AKAP17A: variants seen among roughly 807,000 people sequenced by gnomAD.
AKAP17A encodes A-kinase anchor protein 17A.
In AKAP17A, 15 loss-of-function variants were observed where a neutral mutation model predicts 52.2. The ratio of observed to expected loss-of-function variants is 0.29; its 90% CI spans 0.19 to 0.44. AKAP17A has a LOEUF of 0.44. AKAP17A is among the 20% of genes least tolerant of loss of function. The pLI, the probability that AKAP17A is intolerant of heterozygous loss-of-function variation, is 1.00. For missense variants in AKAP17A, 1,060 were observed against 1,007.0 expected (o/e 1.05, Z -0.71); for synonymous variants, 514 against 424.7 (o/e 1.21, Z -2.58).
rs1413672393 is a variant in AKAP17A, at chrX:1,594,102, A to C, written c.640A>C (p.Asn214His). ...CACCTTCAGTTTCGGGGGGCACTTG[A>C]ACTTCGAGGCCTATGTGCAGTACCG... The part of the protein sequence containing the change: ...FHTFSFGGHL[N>H]FEAYVQYREY... The change falls in exon 2 of 5, where the codon AAC becomes CAC. Residue 214 changes from asparagine (N) to histidine (H), a missense_variant. Transcript: ENST00000313871. 6.2e-7 allele frequency: 1 copy of C among 1,613,614 alleles called. No homozygotes were observed. Among genetic ancestry groups the C allele is most frequent in the South Asian group, 1.1e-5 (1 of 91,008 alleles).
At chrX:1,592,046 T>G (rs1270040141) in intron 1 of AKAP17A, among the ~76,000 whole-genome samples, 1 of 148,570 alleles carries the variant, frequency 6.7e-6, no homozygotes, top group African/African-American at 2.5e-5. Flanking sequence ...CCGAAGGAGC[T>G]GAGGCCTGGA....
chrX:1,595,485 A>G lies in AKAP17A; in HGVS notation c.864A>G (p.Gln288=). ...AACTGGAGCAGCAAAGAGAAGAACA[A>G]AAGCGCAGAGAGAAGGAAGCGGAGG... ...LQELEQQREE[Q]KRREKEAEER... is the part of the protein sequence containing the mutation. The change falls in exon 3 of 5, where the codon CAA becomes CAG. Residue 288 remains glutamine (Q), a synonymous_variant. Coordinates refer to ENST00000313871, the MANE Select transcript of AKAP17A (RefSeq NM_005088.3). The G allele has an allele frequency of 6.2e-7, 1 of 1,614,014 alleles. No individual in the cohort carries two copies. Among genetic ancestry groups the G allele is most frequent in the Non-Finnish European group, 8.5e-7 (1 of 1,179,878 alleles).
rs749983094 is a variant in AKAP17A, at chrX:1,601,513, G to T, written c.2007G>T (p.Arg669Ser). ...GGGAGCGGAGGGGCAGCGCCAGCAG[G>T]AAGCACAGCCGCCACCGCCGCCGAA... ...RSRERRGSAS[R>S]KHSRHRRRSE... is the part of the protein sequence containing the mutation. The change falls in exon 5 of 5, where the codon AGG becomes AGT. Residue 669 changes from arginine to serine, a missense_variant. Arg to Ser is a moderately radical substitution (Grantham distance 110). Around this residue, in one of 2 missense-constraint regions of AKAP17A, gnomAD observed 793 missense variants for 629.9 expected, o/e 1.26. Transcript: ENST00000313871. The T allele has an allele frequency of 1.3e-6, 2 of 1,515,500 alleles. No homozygotes were observed. The highest frequency in any genetic ancestry group is 2.5e-5 in the South Asian group (2 of 80,796). The allele number at this position is 1,515,500 out of a possible 1,614,324, so 93.9% of individuals were successfully genotyped here. A position where few individuals can be genotyped will look rare whatever the true frequency, so the allele number is the denominator to read the frequency against.
Position 1,601,390 on chromosome X carries a change from C to T in AKAP17A, c.1884C>T (p.Ala628=). 1 of 1,568,610 alleles carries T rather than the reference C, an allele frequency of 6.4e-7. No homozygotes were observed. Among genetic ancestry groups the T allele is most frequent in the Non-Finnish European group, 8.6e-7 (1 of 1,164,218 alleles). The change falls in exon 5 of 5, where the codon GCC becomes GCT. Residue 628 remains alanine, a synonymous_variant. Coordinates refer to ENST00000313871, the MANE Select transcript of AKAP17A (RefSeq NM_005088.3). ...RKERRPHKKH[A]YKDDSPRRRS... is the part of the protein sequence containing the mutation. ...AGCGGCGGCCCCACAAGAAGCACGC[C>T]TACAAGGATGACAGCCCCCGCCGGC...
chrX:1,600,060 C>T (rs773747544), intron 4 of AKAP17A: 25 of 893,196 alleles, frequency 2.8e-5, no homozygotes, highest in Middle Eastern at 2.5e-4. Flanking sequence ...GTCCCCGGCA[C>T]GCTCCTTGTC....
intron 3 of AKAP17A, among the ~76,000 whole-genome samples, chrX:1,598,423 G>C (rs1348309013): frequency 6.6e-6 from 1 of 152,150 alleles, no homozygotes; most frequent in African/African-American, 2.4e-5. Context: ...GGGCTTTGTG[G>C]CCTCACTAGG....
chrX:1,591,839 C>T (rs1430471687), intron 1 of AKAP17A, 70 bp downstream of exon 1: 1 of 81,314 alleles, frequency 1.2e-5, no homozygotes, highest in East Asian at 3.8e-4. Context: ...GGGCCGGGCC[C>T]GGGGGGCCGG....
intron 3 of AKAP17A, among the ~76,000 whole-genome samples, chrX:1,595,836 T>C (rs776994574): frequency 6.6e-6 from 1 of 151,852 alleles, no homozygotes; most frequent in South Asian, 2.1e-4. Context: ...TGCCCACATG[T>C]GTGTGCTTCT....
intron 4 of AKAP17A, 98 bp downstream of exon 4, chrX:1,599,530 C>T (rs755601693): frequency 2.5e-5 from 38 of 1,509,138 alleles, no homozygotes; most frequent in African/African-American, 1.2e-4. Flanking sequence ...GTTTCCCCGC[C>T]GGCTGCAGCT....
rs1165618779 is a variant in AKAP17A at position 1,593,331 on chromosome X, G to C, written c.-19-113G>C. ...AAACCGGTCTCTGACACGGCAGAGAGACACTGCTGTTTCTCTTCTCCGGGT... is the reference window on the plus strand; with the variant it reads ...AAACCGGTCTCTGACACGGCAGAGACACACTGCTGTTTCTCTTCTCCGGGT... On this transcript the variant is annotated intron_variant, in intron 1 of 4. Coordinates refer to ENST00000313871, the MANE Select transcript of AKAP17A (RefSeq NM_005088.3). 5 of 1,023,126 alleles carry C rather than the reference G, an allele frequency of 4.9e-6. No homozygotes were observed. In the African/African-American group the frequency reaches 6.5e-5, roughly 13 times the overall value. The allele number at this position is 1,023,126 out of a possible 1,614,324, so 63.4% of individuals were successfully genotyped here.
intron 4 of AKAP17A, chrX:1,600,214 A>G (rs1222714532): frequency 3.8e-6 from 5 of 1,312,310 alleles, no homozygotes; most frequent in South Asian, 3.7e-5. Flanking sequence ...CATGGTGAAT[A>G]TTGAAGACAC....
rs765748142 is a variant in AKAP17A, at chrX:1,601,550, C to T, written c.2044C>T (p.Arg682Cys). The change falls in exon 5 of 5, where the codon CGC becomes TGC. Residue 682 changes from arginine (R) to cysteine (C), a missense_variant. Physicochemically the swap from Arg to Cys is radical, Grantham distance 180. Coordinates refer to ENST00000313871, the MANE Select transcript of AKAP17A (RefSeq NM_005088.3). ...SRHRRRSERS[R>C]SRSPSRHRST... ...CCACCGCCGCCGAAGCGAGCGGTCG[C>T]GCTCCCGGTCCCCGAGCAGGCACCG... 1.5e-5 allele frequency: 22 copies of T among 1,467,560 alleles called. No homozygotes were observed. Among genetic ancestry groups the T allele is most frequent in the Admixed American group, 5.2e-5 (2 of 38,420 alleles). 90.9% of individuals were successfully genotyped at this position (1,467,560 alleles called of 1,614,324 possible). A position where few individuals can be genotyped will look rare whatever the true frequency, so the allele number is the denominator to read the frequency against.
At chrX:1,599,044 G>A in intron 3 of AKAP17A, 148 bp from the exon 4 acceptor site, 1 of 1,289,566 alleles carries the variant, frequency 7.8e-7, no homozygotes. Context: ...GCTGCTTTGA[G>A]TCAACCGAGG....
In AKAP17A at chrX:1,599,370, C is replaced by T. The variant is rs762821813; in HGVS notation, c.1090C>T (p.Leu364=). 6.3e-7 allele frequency: 1 copy of T among 1,586,658 alleles called. No homozygotes were observed. The highest frequency in any genetic ancestry group is 1.1e-5 in the South Asian group (1 of 87,628). Reference sequence around the variant, plus strand: ...GATCAAGCTGGAGGAGCGCAAGCTGCTGCTGGCCCAGAGGAACCTGCAGTC... The same window carrying T: ...GATCAAGCTGGAGGAGCGCAAGCTGTTGCTGGCCCAGAGGAACCTGCAGTC... ...EKIKLEERKL[L]LAQRNLQSIR... is the part of the protein sequence containing the mutation. Residue 364 remains leucine, a synonymous_variant, in exon 4 of 5, where the codon CTG becomes TTG. Transcript: ENST00000313871.
At chrX:1,599,585 C>A in intron 4 of AKAP17A, 153 bp downstream of exon 4, 1 of 1,076,104 alleles carries the variant, frequency 9.3e-7, no homozygotes, top group Non-Finnish European at 1.4e-6. Context: ...CGGCTCCTTC[C>A]CGGGAGGGTG....
intron 1 of AKAP17A, among the ~76,000 whole-genome samples, chrX:1,592,288 C>T (rs1289856871): frequency 6.6e-6 from 1 of 151,704 alleles, no homozygotes; most frequent in Non-Finnish European, 1.5e-5. Flanking sequence ...TGGCCAAGGG[C>T]CTGAGAATGT....
intron 1 of AKAP17A, among the ~76,000 whole-genome samples, chrX:1,592,356 A>G (rs1932853201): frequency 6.6e-6 from 1 of 151,394 alleles, no homozygotes; most frequent in Non-Finnish European, 1.5e-5. Context: ...GGGCTGCGGT[A>G]GGTGGGAATA....
At chrX:1,596,547 C>A (rs7050535) in intron 3 of AKAP17A, among the ~76,000 whole-genome samples, 42,842 of 72,582 alleles carry the variant, frequency 0.59, 13,736 homozygotes, top group African/African-American at 0.78. Context: ...CTCCTCCATC[C>A]CTCCCACCCT....
chrX:1,593,633 C>T lies in AKAP17A; in HGVS notation c.171C>T (p.Gly57=), dbSNP rs1481240821. ...GGGAGGTGATGGAGAGGCTGAAGGGCATGGTGCAGAACCACCAGTTCTCCA... is the reference window on the plus strand; with the variant it reads ...GGGAGGTGATGGAGAGGCTGAAGGGTATGGTGCAGAACCACCAGTTCTCCA... ...SNWEVMERLK[G]MVQNHQFSTL... is the part of the protein sequence containing the mutation. The change falls in exon 2 of 5, where the codon GGC becomes GGT. Residue 57 remains glycine, a synonymous_variant. Coordinates refer to ENST00000313871, the MANE Select transcript of AKAP17A (RefSeq NM_005088.3). The T allele has an allele frequency of 3.1e-6, 5 of 1,613,910 alleles. No individual in the cohort carries two copies. Among genetic ancestry groups the T allele is most frequent in the Non-Finnish European group, 4.2e-6 (5 of 1,179,872 alleles).
Sources: allele counts gnomAD v4.1 joint callset (sites outside exome capture counted in the v4.1 genomes callset), GRCh38; gene constraint gnomAD v4.1.1; regional missense constraint gnomAD v4.1.1; transcripts MANE v1.5; gene names NCBI Gene and HGNC (gene_info 2026-07-23, HGNC 2026-07-21).